The following LRRC39 variants were observed in gnomAD, a reference collection of about 807,000 sequenced individuals.
LRRC39 encodes the protein leucine rich repeat containing 39, also known as leucine-rich repeat-containing protein 39.
LRRC39 carries 35 observed loss-of-function variants against 39.7 expected under a neutral mutation model. The observed-to-expected ratio is 0.88, with a 90% CI of 0.67 to 1.17. The LOEUF (loss-of-function observed/expected upper bound fraction) is 1.17. LRRC39 is among the 50% of genes most tolerant of loss of function. LRRC39 has a pLI of 0.00. For missense variants in LRRC39, 357 were observed against 385.8 expected, an observed-to-expected ratio of 0.93 and a Z score of 0.62; for synonymous variants, 113 against 134.1, an observed-to-expected ratio of 0.84 and a Z score of 1.09.
intron 3 of LRRC39, among the ~76,000 whole-genome samples, chr1:100,164,812 C>T (rs1469419559): frequency 6.6e-6 from 1 of 152,008 alleles, no homozygotes; most frequent in East Asian, 1.9e-4. Flanking sequence ...AATTGATCCT[C>T]CCGCCTCACC....
chr1:100,159,121 T>C (rs1454277622), intron 5 of LRRC39, 138 bp downstream of exon 5: 1 of 620,938 alleles, frequency 1.6e-6, no homozygotes, highest in Non-Finnish European at 2.4e-6. Context: ...GAAGCTTCAA[T>C]TTAGATTAAA....
rs1239467378 is a variant in LRRC39, at chr1:100,148,785, C to T, written c.*257G>A. 19 of 1,530,346 alleles carry T rather than the reference C, an allele frequency of 1.2e-5. No individual in the cohort carries two copies. The highest frequency in any genetic ancestry group is 2.5e-5 in the East Asian group (1 of 39,864). The allele number at this position is 1,530,346 out of a possible 1,614,324, so 94.8% of individuals were successfully genotyped here. ...GGAAAATGTTTTGTTAACTGCTTTA[C>T]CAAATCATTCTTCATCACCAGAAAC... On this transcript the variant is annotated 3_prime_UTR_variant, in exon 10 of 10. Coordinates refer to ENST00000370137, the MANE Select transcript of LRRC39 (RefSeq NM_144620.4).
intron 4 of LRRC39, among the ~76,000 whole-genome samples, chr1:100,159,924 A>T (rs1658749911): frequency 6.6e-6 from 1 of 152,194 alleles, no homozygotes; most frequent in Non-Finnish European, 1.5e-5. Context: ...AGCCTAAAAT[A>T]GCCAGTAGAG....
At position 100,168,648 on chromosome 1, in the gene LRRC39, A is replaced by G. The variant is rs1035612750; in HGVS notation, c.-78-54T>C. 18 of 635,990 alleles carry G rather than the reference A, an allele frequency of 2.8e-5. No homozygotes were observed. The African/African-American group carries it at 3.0e-4, about 11-fold the overall frequency. The allele number at this position is 635,990 out of a possible 1,614,324, so 39.4% of individuals were successfully genotyped here. On this transcript the variant is annotated intron_variant, in intron 2 of 9. Coordinates refer to ENST00000370137, the MANE Select transcript of LRRC39 (RefSeq NM_144620.4). ...TTTCAGACTGTTCATTGAGTACCAT[A>G]ATGATCATAATAGCTAATATTTATA... is the stretch of plus-strand genomic sequence containing the variant.
At chr1:100,158,746 C>T (rs1319510836) in intron 5 of LRRC39, among the ~76,000 whole-genome samples, 2 of 152,106 alleles carry the variant, frequency 1.3e-5, no homozygotes, top group African/African-American at 4.8e-5. Flanking sequence ...TACAGCATAA[C>T]TTACTTGCCA....
chr1:100,169,660 A>C (rs1250818654), intron 2 of LRRC39, among the ~76,000 whole-genome samples: 1 of 152,130 alleles, frequency 6.6e-6, no homozygotes, highest in Non-Finnish European at 1.5e-5. Context: ...ATGATCTCCA[A>C]AATATATAAC....
chr1:100,152,316 C>T lies in LRRC39; in HGVS notation c.952+69G>A, dbSNP rs1332624128. The T allele has an allele frequency of 2.9e-6, 4 of 1,387,650 alleles. No homozygotes were observed. The East Asian group carries it at 9.4e-5, about 33-fold the overall frequency. 86.0% of individuals were successfully genotyped at this position (1,387,650 alleles called of 1,614,324 possible). ...ATATATAAAGGAATTAATCAAAAGG[C>T]AGCAGTTAGTGATACACACATTACT... On this transcript the variant is annotated intron_variant, in intron 9 of 9. Transcript: ENST00000370137.
chr1:100,171,259 A>G (rs1659575304), intron 2 of LRRC39, among the ~76,000 whole-genome samples: 1 of 152,170 alleles, frequency 6.6e-6, no homozygotes, highest in Admixed American at 6.5e-5. Context: ...AATGATAAAT[A>G]AAGAACTATA....
chr1:100,161,713 C>T (rs1405219479), intron 3 of LRRC39, among the ~76,000 whole-genome samples: 1 of 152,178 alleles, frequency 6.6e-6, no homozygotes, highest in Non-Finnish European at 1.5e-5. Flanking sequence ...GTGGCACCAT[C>T]ACGGCTCACT....
chr1:100,176,475 T>C (rs922448649), intron 1 of LRRC39, among the ~76,000 whole-genome samples: 5 of 152,124 alleles, frequency 3.3e-5, no homozygotes, highest in Admixed American at 2.6e-4. Context: ...CATTGAATTA[T>C]AAAAATAGCT....
At chr1:100,172,946 C>T (rs1238583689) in intron 2 of LRRC39, among the ~76,000 whole-genome samples, 19 of 138,578 alleles carry the variant, frequency 1.4e-4, no homozygotes, top group African/African-American at 5.0e-4. Flanking sequence ...GGTGACAGAG[C>T]GAGACTCTGT....
chr1:100,149,254 T>C (rs1657707613), intron 9 of LRRC39, 157 bp from the exon 10 acceptor site: 5 of 1,512,804 alleles, frequency 3.3e-6, no homozygotes. Flanking sequence ...GAATTTGACT[T>C]ATATGTGGAC....
chr1:100,176,956 T>A (rs895579186), intron 1 of LRRC39, among the ~76,000 whole-genome samples: 12 of 151,948 alleles, frequency 7.9e-5, no homozygotes. Flanking sequence ...AGAACACCGA[T>A]ATCCACATCT....
At chr1:100,173,740 A>G (rs181934391) in intron 1 of LRRC39, among the ~76,000 whole-genome samples, 44 of 152,342 alleles carry the variant, frequency 2.9e-4, no homozygotes, top group Non-Finnish European at 5.0e-4. Context: ...ACAACTAAAT[A>G]TATAGAATTT....
In LRRC39 at chr1:100,164,150, G is replaced by A. The variant is rs370119040; in HGVS notation, c.114-3579C>T. Among the ~76,000 whole-genome samples the A allele has an allele frequency of 3.3e-5, 5 of 152,156 alleles. No individual in the cohort carries two copies. In the East Asian group the frequency reaches 7.7e-4, roughly 24 times the overall value. On this transcript the variant is annotated intron_variant, in intron 3 of 9. Coordinates refer to ENST00000370137, the MANE Select transcript of LRRC39 (RefSeq NM_144620.4). ...TTTTTCTGATATTGCCACACCAATC[G>A]TTACCTAAGTACTTGATTTTTTCAA...
rs749640990 is a variant in LRRC39, at chr1:100,149,048, A to G, written c.1002T>C (p.Asp334=). The G allele has an allele frequency of 3.5e-5, 55 of 1,592,660 alleles. 1 individual carries two copies. In the South Asian group the frequency reaches 6.0e-4, roughly 17 times the overall value. ...STTLPISINT[D]G ...AAGGGCATCTTGAATTATATTATCC[A>G]TCCGTATTTATGGAGATTGGTAAAG... Residue 334 remains aspartate (D), a synonymous_variant, in exon 10 of 10, where the codon GAT becomes GAC. Coordinates refer to ENST00000370137, the MANE Select transcript of LRRC39 (RefSeq NM_144620.4).
intron 3 of LRRC39, among the ~76,000 whole-genome samples, chr1:100,164,051 T>C (rs1659065399): frequency 6.6e-6 from 1 of 152,080 alleles, no homozygotes; most frequent in Non-Finnish European, 1.5e-5. Context: ...CCAGCCTGGG[T>C]GACAGAGTGA....
At chr1:100,165,677 T>A (rs1045021401) in intron 3 of LRRC39, among the ~76,000 whole-genome samples, 4 of 152,164 alleles carry the variant, frequency 2.6e-5, no homozygotes, top group African/African-American at 9.7e-5. Context: ...CAAGTCCAAG[T>A]GTTTACCAAG....
rs1192735260 is a variant in LRRC39 at position 100,152,853 on chromosome 1, A to G, written c.813-329T>C. ...GTGATTCTTGTGCTTCAGCCTCCCA[A>G]GTAGCTGGGACTAGAGGTGCACACC... On this transcript the variant is annotated intron_variant, in intron 8 of 9. Transcript: ENST00000370137. 7.2e-5 allele frequency among the ~76,000 whole-genome samples: 11 copies of G among 152,276 alleles called. No homozygotes were observed. The South Asian group carries it at 2.1e-3, about 29-fold the overall frequency.
Sources: gnomAD v4.1 joint callset for allele counts (sites outside exome capture counted in the v4.1 genomes callset) on GRCh38, gnomAD v4.1.1 for gene constraint, MANE v1.5 for transcripts, NCBI Gene and HGNC (gene_info 2026-07-23, HGNC 2026-07-21) for gene names.